C8orf34: variants seen among roughly 807,000 people sequenced by gnomAD.
The protein encoded by C8orf34 is chromosome 8 open reading frame 34.
In C8orf34, 65 loss-of-function variants were observed where a neutral mutation model predicts 68.3. The observed-to-expected ratio is 0.95, with a 90% CI of 0.78 to 1.17. The LOEUF is 1.17. Ranked by LOEUF, C8orf34 falls within the 50% of genes most tolerant of loss-of-function variation. C8orf34 has a pLI of 0.00. For missense variants in C8orf34, 664 were observed against 655.4 expected, an observed-to-expected ratio of 1.01 and a Z score of -0.14; for synonymous variants, 244 against 241.2, an observed-to-expected ratio of 1.01 and a Z score of -0.11.
chr8:68,816,301 C>T (rs1197092519), intron 13 of C8orf34, among the ~76,000 whole-genome samples: 2 of 152,014 alleles, frequency 1.3e-5, no homozygotes, highest in Non-Finnish European at 2.9e-5. Flanking sequence ...CATATTCTCC[C>T]ACATGCAGGC....
intron 8 of C8orf34, among the ~76,000 whole-genome samples, chr8:68,648,254 T>C (rs948429813): frequency 3.3e-5 from 5 of 152,192 alleles, no homozygotes; most frequent in Non-Finnish European, 7.4e-5. Context: ...ATCAAAAAAG[T>C]AAAGTGTTGG....
At chr8:68,394,723 A>G (rs921414968) in intron 1 of C8orf34, among the ~76,000 whole-genome samples, 1 of 152,072 alleles carries the variant, frequency 6.6e-6, no homozygotes, top group African/African-American at 2.4e-5. Context: ...GAAGGAAGCT[A>G]GTTCCGTAAT....
chr8:68,581,373 G>A (rs971264136), intron 7 of C8orf34, among the ~76,000 whole-genome samples: 4 of 152,002 alleles, frequency 2.6e-5, no homozygotes, highest in Non-Finnish European at 5.9e-5. Context: ...TTGAATGAGG[G>A]TCTTATGACC....
intron 1 of C8orf34, among the ~76,000 whole-genome samples, chr8:68,380,452 T>A (rs1400920798): frequency 6.6e-6 from 1 of 152,230 alleles, no homozygotes; most frequent in Non-Finnish European, 1.5e-5. Context: ...TTGTCATTTT[T>A]AAAAAAGATA....
intron 9 of C8orf34, among the ~76,000 whole-genome samples, chr8:68,713,723 A>G (rs1188545741): frequency 6.6e-6 from 1 of 152,196 alleles, no homozygotes; most frequent in Non-Finnish European, 1.5e-5. Flanking sequence ...ATTCTATCAG[A>G]CAATTCAAAG....
At chr8:68,599,245 TA>T (rs1360325580) in intron 7 of C8orf34, among the ~76,000 whole-genome samples, 1 of 152,102 alleles carries the variant, frequency 6.6e-6, no homozygotes. Flanking sequence ...ACTTAAATAA[TA>T]TATATCATGC....
chr8:68,680,567 C>T (rs1260927729), intron 8 of C8orf34, among the ~76,000 whole-genome samples: 2 of 152,050 alleles, frequency 1.3e-5, no homozygotes, highest in African/African-American at 4.8e-5. Flanking sequence ...CTACAAAGAT[C>T]ACATGCTTCA....
chr8:68,615,829 C>A (rs1458755525), intron 7 of C8orf34, among the ~76,000 whole-genome samples: 1 of 151,966 alleles, frequency 6.6e-6, no homozygotes, highest in Non-Finnish European at 1.5e-5. Context: ...AGGATTCCCT[C>A]TTTTTCTATT....
In C8orf34 at chr8:68,702,466, T is replaced by G. The variant is rs538006784; in HGVS notation, c.1242-6528T>G. On this transcript the variant is annotated intron_variant, in intron 8 of 13. Coordinates refer to ENST00000518698, the MANE Select transcript of C8orf34 (RefSeq NM_052958.4). ...CTATCTGGATATATTGTTTGTTACT[T>G]GCAACGTATTCAATTCTTATTCAAT... Among the ~76,000 whole-genome samples, 17 of 152,322 alleles carry G rather than the reference T, an allele frequency of 1.1e-4. No homozygotes were observed. The South Asian group carries it at 3.5e-3, about 32-fold the overall frequency.
At chr8:68,777,902 C>T (rs1315793087) in intron 11 of C8orf34, among the ~76,000 whole-genome samples, 1 of 152,190 alleles carries the variant, frequency 6.6e-6, no homozygotes, top group Non-Finnish European at 1.5e-5. Context: ...AGATCCATTA[C>T]TGACTTTCAG....
chr8:68,636,411 T>TA (rs71253099), intron 7 of C8orf34, among the ~76,000 whole-genome samples: 5,866 of 141,826 alleles, frequency 0.041, 272 homozygotes, highest in African/African-American at 0.12. Flanking sequence ...CTGCCTCTAC[T>TA]AAAAAAAAAA....
chr8:68,407,536 C>T (rs1241225344), intron 1 of C8orf34, among the ~76,000 whole-genome samples: 2 of 152,084 alleles, frequency 1.3e-5, no homozygotes, highest in East Asian at 3.9e-4. Flanking sequence ...TCTTTGAACT[C>T]ACAACATTTC....
chr8:68,556,473 A>G (rs1327056969), intron 7 of C8orf34, among the ~76,000 whole-genome samples: 1 of 152,082 alleles, frequency 6.6e-6, no homozygotes, highest in African/African-American at 2.4e-5. Flanking sequence ...AATTTTGCTA[A>G]CAGTGCAAAC....
At chr8:68,452,040 C>T (rs113293786) in intron 3 of C8orf34, among the ~76,000 whole-genome samples, 3,215 of 151,972 alleles carry the variant, frequency 0.021, 52 homozygotes, top group Middle Eastern at 0.034. Context: ...TGGTGGTATG[C>T]ACACTACTTC....
chr8:68,592,087 G>C (rs1449309411), intron 7 of C8orf34, among the ~76,000 whole-genome samples: 1 of 151,894 alleles, frequency 6.6e-6, no homozygotes, highest in East Asian at 1.9e-4. Flanking sequence ...TTGACCTTTG[G>C]CTTCAGTTTA....
chr8:68,434,946 G>A (rs149101079), intron 1 of C8orf34, among the ~76,000 whole-genome samples: 3,087 of 151,902 alleles, frequency 0.02, 51 homozygotes, highest in Middle Eastern at 0.037. Context: ...CTACTCAGGA[G>A]GCTGAGGCAG....
intron 7 of C8orf34, among the ~76,000 whole-genome samples, chr8:68,570,844 C>A (rs1816741643): frequency 6.6e-6 from 1 of 152,122 alleles, no homozygotes. Context: ...CAACTTAATT[C>A]CTAGAGTCTT....
intron 7 of C8orf34, among the ~76,000 whole-genome samples, chr8:68,538,538 C>T (rs1255853367): frequency 2.0e-5 from 3 of 150,804 alleles, no homozygotes; most frequent in Admixed American, 2.0e-4. Flanking sequence ...CTATACAAAA[C>T]TTTTCTTCTA....
chr8:68,475,720 A>G (rs1276417015), intron 4 of C8orf34, among the ~76,000 whole-genome samples: 1 of 152,196 alleles, frequency 6.6e-6, no homozygotes, highest in Non-Finnish European at 1.5e-5. Flanking sequence ...ATTTCATGCA[A>G]TTGGCCAACA....
Sources: allele counts gnomAD v4.1 joint callset (sites outside exome capture counted in the v4.1 genomes callset), GRCh38; gene constraint gnomAD v4.1.1; transcripts MANE v1.5; gene names NCBI Gene and HGNC (gene_info 2026-07-23, HGNC 2026-07-21).